ZRANB3: variants seen among roughly 807,000 people sequenced by gnomAD.
ZRANB3 encodes the protein DNA annealing helicase and endonuclease ZRANB3.
ZRANB3 carries 125 observed loss-of-function variants against 133.8 expected under a neutral mutation model. The observed-to-expected ratio is 0.93, with a 90% CI of 0.81 to 1.08. The LOEUF (loss-of-function observed/expected upper bound fraction) is 1.08. Ranked by LOEUF, ZRANB3 falls within the 50% of genes least tolerant of loss-of-function variation. The pLI, the probability that ZRANB3 is intolerant of heterozygous loss-of-function variation, is 0.00. For missense variants in ZRANB3, 1,229 were observed against 1,275.5 expected (o/e 0.96, Z 0.56); for synonymous variants, 387 against 432.7 (o/e 0.89, Z 1.31).
chr2:135,408,318 G>A (rs1688139593), intron 2 of ZRANB3, among the ~76,000 whole-genome samples: 1 of 152,026 alleles, frequency 6.6e-6, no homozygotes. Flanking sequence ...TAAAAAGTCA[G>A]GAAACAACAG....
intron 1 of ZRANB3, chr2:135,510,467 G>A: frequency 1.9e-6 from 1 of 513,760 alleles, no homozygotes; most frequent in Non-Finnish European, 3.6e-6. Flanking sequence ...CATACTCCAA[G>A]ATACCAAAGG....
At chr2:135,404,169 G>A (rs1280940807) in intron 2 of ZRANB3, among the ~76,000 whole-genome samples, 1 of 152,164 alleles carries the variant, frequency 6.6e-6, no homozygotes, top group Admixed American at 6.5e-5. Flanking sequence ...AAAGGAGGAA[G>A]TTCAAACCCA....
chr2:135,263,799 A>G (rs550876843), intron 12 of ZRANB3, among the ~76,000 whole-genome samples: 3 of 151,830 alleles, frequency 2.0e-5, no homozygotes, highest in South Asian at 2.1e-4. Flanking sequence ...TTTTTTAGAC[A>G]GAGTCTCACT....
intron 2 of ZRANB3, 41 bp from the exon 3 acceptor site, chr2:135,390,861 C>T: frequency 1.3e-6 from 2 of 1,494,280 alleles, no homozygotes; most frequent in African/African-American, 2.9e-5. Flanking sequence ...TCAGAGTGAA[C>T]CTTTTTCCTT....
intron 1 of ZRANB3, among the ~76,000 whole-genome samples, chr2:135,512,609 A>T (rs1574233990): frequency 6.6e-6 from 1 of 151,854 alleles, no homozygotes; most frequent in Admixed American, 6.6e-5. Context: ...CTTAAATAGG[A>T]GGATTCATAA....
At chr2:135,506,957 C>T (rs192983383) in intron 1 of ZRANB3, among the ~76,000 whole-genome samples, 351 of 152,266 alleles carry the variant, frequency 2.3e-3, no homozygotes, top group South Asian at 8.1e-3. Flanking sequence ...GACCCTCTCA[C>T]CACCACCACC....
intron 3 of ZRANB3, among the ~76,000 whole-genome samples, chr2:135,389,051 C>G (rs1432595430): frequency 6.6e-6 from 1 of 152,144 alleles, no homozygotes. Flanking sequence ...GCACTCCAGT[C>G]TGGGCGACAG....
chr2:135,329,184 T>C (rs1473526279), intron 6 of ZRANB3, among the ~76,000 whole-genome samples: 3 of 152,240 alleles, frequency 2.0e-5, no homozygotes, highest in African/African-American at 7.2e-5. Flanking sequence ...AGGGTTTTTA[T>C]GGGTTTAGGT....
intron 2 of ZRANB3, among the ~76,000 whole-genome samples, chr2:135,406,069 C>T (rs193009277): frequency 5.1e-4 from 77 of 151,890 alleles, no homozygotes; most frequent in Non-Finnish European, 7.5e-4. Context: ...ATTGATAGAC[C>T]GCTAGCAAGA....
intron 3 of ZRANB3, among the ~76,000 whole-genome samples, chr2:135,388,333 T>A (rs1687073899): frequency 1.3e-5 from 2 of 152,136 alleles, no homozygotes; most frequent in Non-Finnish European, 2.9e-5. Flanking sequence ...GGTGGGGACA[T>A]AGCCAAACCA....
chr2:135,424,773 A>C (rs1352072164), intron 2 of ZRANB3, among the ~76,000 whole-genome samples: 1 of 152,164 alleles, frequency 6.6e-6, no homozygotes, highest in Admixed American at 6.6e-5. Flanking sequence ...AAATGAAAGG[A>C]AATTAGTTTC....
At chr2:135,320,924 T>C (rs1683493683) in intron 6 of ZRANB3, among the ~76,000 whole-genome samples, 1 of 152,232 alleles carries the variant, frequency 6.6e-6, no homozygotes, top group African/African-American at 2.4e-5. Context: ...ATCTTATTTC[T>C]TTCACTTAGC....
At chr2:135,341,812 T>A (rs1684679149) in intron 6 of ZRANB3, among the ~76,000 whole-genome samples, 1 of 150,024 alleles carries the variant, frequency 6.7e-6, no homozygotes, top group South Asian at 2.1e-4. Context: ...CACGCCCTGG[T>A]CTCCTGCAGC....
chr2:135,382,005 C>T (rs1193860855), intron 3 of ZRANB3, among the ~76,000 whole-genome samples: 3 of 152,182 alleles, frequency 2.0e-5, no homozygotes, highest in South Asian at 2.1e-4. Flanking sequence ...ATGACTTTGA[C>T]GAGTTGAGAG....
intron 1 of ZRANB3, chr2:135,510,948 CT>C: frequency 1.2e-6 from 1 of 834,642 alleles, no homozygotes; most frequent in Non-Finnish European, 2.1e-6. Flanking sequence ...TCTCACCACT[CT>C]TTGGGGTTCA....
chr2:135,337,823 T>C (rs528763262), intron 6 of ZRANB3, among the ~76,000 whole-genome samples: 2 of 152,314 alleles, frequency 1.3e-5, no homozygotes, highest in South Asian at 2.1e-4. Context: ...TATACAGAAG[T>C]AGTAAAATAA....
chr2:135,509,312 T>C (rs978534647), intron 1 of ZRANB3, among the ~76,000 whole-genome samples: 87 of 152,308 alleles, frequency 5.7e-4, no homozygotes, highest in African/African-American at 2.0e-3. Flanking sequence ...AAAGAACCTC[T>C]ACAGAAGCAT....
At chr2:135,241,471 AT>A (rs1695552325) in intron 12 of ZRANB3, among the ~76,000 whole-genome samples, 1 of 151,564 alleles carries the variant, frequency 6.6e-6, no homozygotes, top group Non-Finnish European at 1.5e-5. Flanking sequence ...TTCAGGATCA[AT>A]TTGTGTATTA....
chr2:135,523,708 G>A (rs1161538501), intron 1 of ZRANB3, among the ~76,000 whole-genome samples: 1 of 152,122 alleles, frequency 6.6e-6, no homozygotes, highest in African/African-American at 2.4e-5. Context: ...ATCTGCCCAA[G>A]GTAACACAAG....
Sources: gnomAD v4.1 joint callset for allele counts (sites outside exome capture counted in the v4.1 genomes callset) on GRCh38, gnomAD v4.1.1 for gene constraint, MANE v1.5 for transcripts, NCBI Gene and HGNC (gene_info 2026-07-23, HGNC 2026-07-21) for gene names.